The following CELF2 variants were observed in gnomAD, a reference collection of about 807,000 sequenced individuals.
CELF2 encodes the protein CUGBP Elav-like family member 2.
In CELF2, 8 loss-of-function variants were observed where a neutral mutation model predicts 62.6. The ratio of observed to expected loss-of-function variants is 0.13; its 90% CI spans 0.07 to 0.23. The LOEUF is 0.23. CELF2 is among the 10% of genes least tolerant of loss of function. CELF2 has a pLI of 1.00. For missense variants in CELF2, 333 were observed against 671.0 expected (o/e 0.50, Z 5.56); for synonymous variants, 258 against 250.0 (o/e 1.03, Z -0.30).
chr10:11,057,023 CAGGTTGGT>C (rs1554806359), intron 1 of CELF2, among the ~76,000 whole-genome samples: 1 of 152,096 alleles, frequency 6.6e-6, no homozygotes, highest in Non-Finnish European at 1.5e-5. Context: ...AAATGAATTC[CAGGTTGGT>C]AGGTTGGAGG....
chr10:11,197,047 A>AGGAAGGAAGGAAGGAAGGAG (rs140358437), intron 2 of CELF2, among the ~76,000 whole-genome samples: 1 of 25,724 alleles, frequency 3.9e-5, no homozygotes, highest in African/African-American at 2.2e-4. Flanking sequence ...GAAAGAAAGA[A>AGGAAGGAAGGAAGGAAGGAG]AGAAAGAAAG....
At chr10:10,696,156 G>A in the CELF2 span, among the ~76,000 whole-genome samples, 1,189 of 152,086 alleles carry the variant, frequency 7.8e-3, 6 homozygotes, top group African/African-American at 0.01. Flanking sequence ...GGTCTTTGAT[G>A]ATGGTGATGT....
At chr10:10,682,476 G>GGCTACACAA in the CELF2 span, among the ~76,000 whole-genome samples, 1 of 152,236 alleles carries the variant, frequency 6.6e-6, no homozygotes. Context: ...CTACACAAAG[G>GGCTACACAA]AGTGATCCGG....
At chr10:10,699,308 T>C in the CELF2 span, among the ~76,000 whole-genome samples, 4 of 152,232 alleles carry the variant, frequency 2.6e-5, no homozygotes, top group African/African-American at 9.6e-5. Context: ...ACAGTAATTA[T>C]TCAATCAGGA....
chr10:10,945,261 C>T (rs1348440008), intron 2 of CELF2, among the ~76,000 whole-genome samples: 1 of 152,158 alleles, frequency 6.6e-6, no homozygotes, highest in Admixed American at 6.5e-5. Flanking sequence ...GCATTTCCCT[C>T]CTTCGGCTTC....
the CELF2 span, among the ~76,000 whole-genome samples, chr10:10,500,750 A>G: frequency 4.5e-4 from 68 of 152,352 alleles, no homozygotes; most frequent in African/African-American, 1.5e-3. Flanking sequence ...TGCATCATGA[A>G]GAAGACCCCT....
chr10:11,129,628 T>G (rs914565146), intron 1 of CELF2, among the ~76,000 whole-genome samples: 1 of 152,208 alleles, frequency 6.6e-6, no homozygotes, highest in Non-Finnish European at 1.5e-5. Flanking sequence ...GTCGAGGAAT[T>G]TATCCATTTC....
At chr10:11,320,957 T>C (rs2140964603) in intron 10 of CELF2, 1 of 1,534,134 alleles carries the variant, frequency 6.5e-7, no homozygotes, top group South Asian at 1.2e-5. Flanking sequence ...CGTGCCACAG[T>C]GCATTTGAAT....
intron 1 of CELF2, among the ~76,000 whole-genome samples, chr10:11,076,614 G>GCATT (rs2072029837): frequency 6.6e-6 from 1 of 152,184 alleles, no homozygotes; most frequent in African/African-American, 2.4e-5. Context: ...GTAGCACCTA[G>GCATT]CATTGCCTTT....
At chr10:11,065,754 A>G (rs765747495) in intron 1 of CELF2, among the ~76,000 whole-genome samples, 1 of 152,204 alleles carries the variant, frequency 6.6e-6, no homozygotes, top group Non-Finnish European at 1.5e-5. Context: ...TGCTATAAAT[A>G]AAACAACTTA....
chr10:10,712,357 C>T, the CELF2 span, among the ~76,000 whole-genome samples: 1 of 152,076 alleles, frequency 6.6e-6, no homozygotes, highest in Non-Finnish European at 1.5e-5. Flanking sequence ...GTTGACTACA[C>T]GCTTCTCTAA....
At chr10:10,869,211 C>T (rs1048377348) in intron 1 of CELF2, among the ~76,000 whole-genome samples, 11 of 152,092 alleles carry the variant, frequency 7.2e-5, no homozygotes, top group Admixed American at 5.9e-4. Flanking sequence ...ATGTAAATAT[C>T]ACGTATTTGA....
Position 11,314,465 on chromosome 10 carries a change from T to C in CELF2, c.1096+207T>C. The C allele has an allele frequency of 3.0e-6, 2 of 658,318 alleles. No homozygotes were observed. Among genetic ancestry groups the C allele is most frequent in the Non-Finnish European group, 5.5e-6 (2 of 364,344 alleles). The allele number at this position is 658,318 out of a possible 1,614,324, so 40.8% of individuals were successfully genotyped here. A position where few individuals can be genotyped will look rare whatever the true frequency, so the allele number is the denominator to read the frequency against. On this transcript the variant is annotated intron_variant, in intron 10 of 12. Coordinates refer to ENST00000633077, the MANE Select transcript of CELF2 (RefSeq NM_001326342.2). This position sits in a 1 kb window ranked among gnomAD's most constrained non-coding sequence, Gnocchi z 5.3. The stretch of plus-strand genomic sequence containing the variant: ...TCCCCAACCACTCTCCACCCCCAGA[T>C]TCTCTTCAGTGTGTAGCACAGCGCG...
At chr10:11,142,367 T>G (rs551309890) in intron 1 of CELF2, among the ~76,000 whole-genome samples, 1 of 152,072 alleles carries the variant, frequency 6.6e-6, no homozygotes, top group Non-Finnish European at 1.5e-5. Context: ...GGTGAAGAAC[T>G]TTGGAGTGAC....
chr10:10,601,730 T>C, the CELF2 span, among the ~76,000 whole-genome samples: 1 of 152,134 alleles, frequency 6.6e-6, no homozygotes, highest in Non-Finnish European at 1.5e-5. Flanking sequence ...TCATTCTTTT[T>C]TTTTTTTTTT....
rs959299601 is a variant in CELF2 at position 11,178,383 on chromosome 10, G to T, written c.271+12701G>T. Reference sequence around the variant, plus strand: ...CAGCTCTAGAGGTGGCAAACACGGGGCCCTTCCACCAGGCCCACTCCCTGC... The same window carrying T: ...CAGCTCTAGAGGTGGCAAACACGGGTCCCTTCCACCAGGCCCACTCCCTGC... On this transcript the variant is annotated intron_variant, in intron 2 of 12. Coordinates refer to ENST00000633077, the MANE Select transcript of CELF2 (RefSeq NM_001326342.2). The surrounding 1 kb of genome is among the most constrained non-coding windows in gnomAD (Gnocchi z 4.3). Among the ~76,000 whole-genome samples the T allele has an allele frequency of 2.6e-5, 4 of 152,196 alleles. No homozygotes were observed. The highest frequency in any genetic ancestry group is 5.9e-5 in the Non-Finnish European group (4 of 68,040).
At chr10:10,589,062 A>G in the CELF2 span, among the ~76,000 whole-genome samples, 2 of 152,226 alleles carry the variant, frequency 1.3e-5, no homozygotes, top group Admixed American at 6.5e-5. Context: ...TCAGGCTACA[A>G]CTTGGTTTTA....
chr10:10,520,238 C>T, the CELF2 span, among the ~76,000 whole-genome samples: 1 of 152,098 alleles, frequency 6.6e-6, no homozygotes, highest in Non-Finnish European at 1.5e-5. Flanking sequence ...CAAGAAAGGA[C>T]AAGAAGAGCT....
At chr10:11,182,818 C>T (rs2073839112) in intron 2 of CELF2, among the ~76,000 whole-genome samples, 1 of 152,194 alleles carries the variant, frequency 6.6e-6, no homozygotes, top group East Asian at 1.9e-4. Flanking sequence ...ATCTCAGAAG[C>T]TCGGCATTAT....
Sources: gnomAD v4.1 joint callset for allele counts (sites outside exome capture counted in the v4.1 genomes callset) on GRCh38, gnomAD v4.1.1 for gene constraint, Gnocchi (gnomAD v3.1) non-coding constraint, MANE v1.5 for transcripts, NCBI Gene and HGNC (gene_info 2026-07-23, HGNC 2026-07-21) for gene names.